Variants in HHIP observed in about 807,000 individuals in gnomAD.
The protein encoded by HHIP is hedgehog-interacting protein.
HHIP carries 12 observed loss-of-function variants against 74.0 expected under a neutral mutation model. The observed-to-expected ratio is 0.16, with a 90% CI of 0.10 to 0.26. The LOEUF (loss-of-function observed/expected upper bound fraction) is 0.26, where lower values mean the gene tolerates loss of function less well. Among genes scored for constraint, HHIP ranks in the 10% least tolerant of loss-of-function variants. The probability of loss-of-function intolerance (pLI) is 1.00; values close to 1 mark genes in which losing one functional copy is unlikely to be tolerated. For missense variants in HHIP, 788 were observed against 845.0 expected (o/e 0.93, Z 0.84); for synonymous variants, 309 against 311.6 (o/e 0.99, Z 0.09).
At chr4:144,684,925 C>T (rs1046235379) in intron 4 of HHIP, among the ~76,000 whole-genome samples, 1 of 152,204 alleles carries the variant, frequency 6.6e-6, no homozygotes, top group Non-Finnish European at 1.5e-5. Context: ...TGGCCCCCTG[C>T]ATATACTGAT....
intron 4 of HHIP, among the ~76,000 whole-genome samples, chr4:144,664,701 G>C (rs1213453250): frequency 6.6e-6 from 1 of 152,156 alleles, no homozygotes; most frequent in African/African-American, 2.4e-5. Context: ...TGAGAACTCT[G>C]CTTTTAAGCA....
At position 144,738,122 on chromosome 4, in the gene HHIP, C is replaced by T. The variant is rs1461836812; in HGVS notation, c.*165C>T. ...TGCAGATCCTCTGTGTGTATGTCAG[C>T]ATGTTTGTTCACATATGCACATACA... is the stretch of plus-strand genomic sequence containing the variant. On this transcript the variant is annotated 3_prime_UTR_variant, in exon 13 of 13. Coordinates refer to ENST00000296575, the MANE Select transcript of HHIP (RefSeq NM_022475.3). 2 of 1,303,130 alleles carry T rather than the reference C, an allele frequency of 1.5e-6. No individual in the cohort carries two copies. The highest frequency in any genetic ancestry group is 3.0e-5 in the African/African-American group (2 of 66,724). 80.7% of individuals were successfully genotyped at this position (1,303,130 alleles called of 1,614,324 possible). A position where few individuals can be genotyped will look rare whatever the true frequency, so the allele number is the denominator to read the frequency against.
At chr4:144,649,201 T>C (rs1038199716) in intron 1 of HHIP, among the ~76,000 whole-genome samples, 2 of 151,868 alleles carry the variant, frequency 1.3e-5, no homozygotes, top group African/African-American at 4.8e-5. Flanking sequence ...GAGAGATGAT[T>C]GCTATTTGAA....
rs1336221471 is a variant in HHIP at position 144,646,511 on chromosome 4, A to T, written c.-165A>T. 1.4e-5 allele frequency: 9 copies of T among 638,448 alleles called. No homozygotes were observed. The highest frequency in any genetic ancestry group is 2.1e-5 in the Non-Finnish European group (8 of 374,398). The allele number at this position is 638,448 out of a possible 1,614,324, so 39.5% of individuals were successfully genotyped here. ...CATCGCCGCGTCTTTTATTTTTTGC[A>T]AAGTTGCATCGCTGTACATATTTTT... On this transcript the variant is annotated 5_prime_UTR_variant, in exon 1 of 13. Coordinates refer to ENST00000296575, the MANE Select transcript of HHIP (RefSeq NM_022475.3).
At chr4:144,716,780 C>T (rs986654020) in intron 10 of HHIP, among the ~76,000 whole-genome samples, 2 of 127,838 alleles carry the variant, frequency 1.6e-5, no homozygotes, top group South Asian at 2.7e-4. Flanking sequence ...ACCCTGGAGG[C>T]GGAGGTTGCA....
chr4:144,684,460 T>C (rs1296850560), intron 4 of HHIP, among the ~76,000 whole-genome samples: 2 of 151,270 alleles, frequency 1.3e-5, no homozygotes, highest in Non-Finnish European at 2.9e-5. Context: ...TTTGTATTTT[T>C]AGTAGAAACG....
intron 4 of HHIP, among the ~76,000 whole-genome samples, chr4:144,692,264 C>G (rs188299579): frequency 6.6e-6 from 1 of 151,996 alleles, no homozygotes; most frequent in African/African-American, 2.4e-5. Context: ...GTCACATAAG[C>G]GAAGATTCAA....
intron 4 of HHIP, among the ~76,000 whole-genome samples, chr4:144,703,036 G>A (rs1025380103): frequency 6.6e-6 from 1 of 152,086 alleles, no homozygotes; most frequent in African/African-American, 2.4e-5. Context: ...GGCCAACATG[G>A]TGAAACCCTG....
Position 144,738,413 on chromosome 4 carries a change from G to A in HHIP, c.*456G>A, listed in dbSNP as rs201443831. 2.1e-6 allele frequency: 2 copies of A among 961,776 alleles called. No homozygotes were observed. The highest frequency in any genetic ancestry group is 2.5e-6 in the Non-Finnish European group (2 of 808,152). 59.6% of individuals were successfully genotyped at this position (961,776 alleles called of 1,614,324 possible). On this transcript the variant is annotated 3_prime_UTR_variant, in exon 13 of 13. Transcript: ENST00000296575. ...ATTTTTATATTAAAGTACTATACTA[G>A]GAGAGAATGTTTCAGAACTCCCTGA...
Position 144,672,119 on chromosome 4 carries a change from T to C in HHIP, c.831+12281T>C, listed in dbSNP as rs574969111. Among the ~76,000 whole-genome samples the C allele has an allele frequency of 3.2e-4, 49 of 152,366 alleles. No individual in the cohort carries two copies. The East Asian group carries it at 9.1e-3, about 28-fold the overall frequency. On this transcript the variant is annotated intron_variant, in intron 4 of 12. Transcript: ENST00000296575. ...ATAAGGGTTCAGTGTGATCAGGCACTGGATGACTCCATGCTTGTCCAGGTT... is the reference window on the plus strand; with the variant it reads ...ATAAGGGTTCAGTGTGATCAGGCACCGGATGACTCCATGCTTGTCCAGGTT...
intron 4 of HHIP, among the ~76,000 whole-genome samples, chr4:144,679,806 A>G (rs771240168): frequency 6.6e-5 from 10 of 152,208 alleles, no homozygotes; most frequent in Non-Finnish European, 8.8e-5. Context: ...GTATTTCTTT[A>G]TACTTTGAAA....
chr4:144,678,083 A>T (rs568807862), intron 4 of HHIP, among the ~76,000 whole-genome samples: 1 of 152,308 alleles, frequency 6.6e-6, no homozygotes, highest in East Asian at 1.9e-4. Flanking sequence ...ACATCTATAC[A>T]ACCTATAGTC....
chr4:144,654,834 C>A (rs1728518046), intron 2 of HHIP: 1 of 152,184 alleles, frequency 6.6e-6, no homozygotes, highest in South Asian at 2.1e-4. Context: ...CTTTGTGATT[C>A]TTTTTTAGAA....
intron 8 of HHIP, among the ~76,000 whole-genome samples, chr4:144,713,960 T>C (rs746680364): frequency 4.6e-5 from 7 of 152,152 alleles, no homozygotes; most frequent in Non-Finnish European, 8.8e-5. Flanking sequence ...TCTAATTTCA[T>C]TGAAAACTTG....
chr4:144,660,585 GA>G (rs1001802713), intron 4 of HHIP, among the ~76,000 whole-genome samples: 120 of 143,558 alleles, frequency 8.4e-4, no homozygotes, highest in African/African-American at 2.1e-3. Flanking sequence ...TTTCTTAACT[GA>G]AAAAAAAAAA....
At position 144,741,033 on chromosome 4, in the gene HHIP, C is replaced by G. The variant is rs1012587998; in HGVS notation, c.*3076C>G. Reference sequence around the variant, plus strand: ...ATAAAAGGAACACAATTTGGCAGATCTTTAAGTGAAAGAGAGAAAAAATTT... The same window carrying G: ...ATAAAAGGAACACAATTTGGCAGATGTTTAAGTGAAAGAGAGAAAAAATTT... On this transcript the variant is annotated 3_prime_UTR_variant, in exon 13 of 13. Coordinates refer to ENST00000296575, the MANE Select transcript of HHIP (RefSeq NM_022475.3). 4 of 151,986 alleles carry G rather than the reference C, an allele frequency of 2.6e-5. No individual in the cohort carries two copies. Among genetic ancestry groups the G allele is most frequent in the African/African-American group, 9.7e-5 (4 of 41,384 alleles). 9.4% of individuals were successfully genotyped at this position (151,986 alleles called of 1,614,324 possible). A position where few individuals can be genotyped will look rare whatever the true frequency, so the allele number is the denominator to read the frequency against.
chr4:144,670,003 G>T (rs901241961), intron 4 of HHIP, among the ~76,000 whole-genome samples: 5 of 151,534 alleles, frequency 3.3e-5, no homozygotes, highest in African/African-American at 9.7e-5. Flanking sequence ...AATTAGCTGG[G>T]TGTGGTGGTG....
chr4:144,656,362 T>C (rs1728556999), intron 2 of HHIP, among the ~76,000 whole-genome samples: 1 of 152,220 alleles, frequency 6.6e-6, no homozygotes, highest in Non-Finnish European at 1.5e-5. Context: ...TAAGCAGGCA[T>C]TGTACCTCTG....
At chr4:144,731,647 T>C (rs1730958355) in intron 11 of HHIP, among the ~76,000 whole-genome samples, 1 of 152,130 alleles carries the variant, frequency 6.6e-6, no homozygotes, top group Non-Finnish European at 1.5e-5. Flanking sequence ...CTCAAACTCC[T>C]GACCTCAGGT....
Sources: allele counts gnomAD v4.1 joint callset (sites outside exome capture counted in the v4.1 genomes callset), GRCh38; gene constraint gnomAD v4.1.1; transcripts MANE v1.5; gene names NCBI Gene and HGNC (gene_info 2026-07-23, HGNC 2026-07-21).